DPP10: variants seen among roughly 807,000 people sequenced by gnomAD.
DPP10 encodes the protein inactive dipeptidyl peptidase 10.
Under a neutral mutation model 120.9 loss-of-function variants are expected in DPP10, and 33 were observed. The observed-to-expected ratio is 0.27, with a 90% CI of 0.21 to 0.37. DPP10 has a LOEUF of 0.37. DPP10 is among the 10% of genes least tolerant of loss of function. DPP10 has a pLI of 1.00. For synonymous variants in DPP10, 337 were observed against 326.1 expected (o/e 1.03, Z -0.36); for missense variants, 816 against 942.8 (o/e 0.87, Z 1.76).
chr2:115,789,965 T>A (rs529394764), intron 17 of DPP10, among the ~76,000 whole-genome samples: 1 of 152,254 alleles, frequency 6.6e-6, no homozygotes, highest in East Asian at 1.9e-4. Flanking sequence ...TCTACAGACA[T>A]AGACTTGTAT....
intron 1 of DPP10, among the ~76,000 whole-genome samples, chr2:114,756,664 G>T (rs1048361886): frequency 6.6e-6 from 1 of 152,300 alleles, no homozygotes; most frequent in Non-Finnish European, 1.5e-5. Flanking sequence ...TCCAAGAAGA[G>T]CATGGGACGT....
intron 1 of DPP10, among the ~76,000 whole-genome samples, chr2:114,767,649 C>CT (rs1289986086): frequency 6.6e-6 from 1 of 152,122 alleles, no homozygotes; most frequent in Non-Finnish European, 1.5e-5. Flanking sequence ...CCATGAGGTT[C>CT]TTTTGACTAT....
intron 1 of DPP10, among the ~76,000 whole-genome samples, chr2:115,130,018 A>C (rs1213359359): frequency 1.3e-5 from 2 of 152,112 alleles, no homozygotes; most frequent in Non-Finnish European, 2.9e-5. Context: ...TCCTTTCAGC[A>C]AGTGCACCTG....
intron 1 of DPP10, among the ~76,000 whole-genome samples, chr2:114,728,371 C>CTACTATGCCCTT (rs1166703793): frequency 1.3e-5 from 2 of 152,124 alleles, no homozygotes; most frequent in Non-Finnish European, 2.9e-5. Context: ...AATCTGGGCC[C>CTACTATGCCCTT]TACTATGCCC....
intron 11 of DPP10, among the ~76,000 whole-genome samples, chr2:115,761,493 G>T (rs987819050): frequency 6.6e-6 from 1 of 152,048 alleles, no homozygotes; most frequent in African/African-American, 2.4e-5. Context: ...GAAATAATGA[G>T]ACAAACAATA....
chr2:114,560,411 A>G (rs1688675838), intron 1 of DPP10, among the ~76,000 whole-genome samples: 1 of 152,238 alleles, frequency 6.6e-6, no homozygotes, highest in African/African-American at 2.4e-5. Flanking sequence ...GACATGTTGG[A>G]TGCCCAGGAT....
chr2:115,719,015 T>C (rs927200183), intron 7 of DPP10, among the ~76,000 whole-genome samples: 4 of 152,204 alleles, frequency 2.6e-5, no homozygotes, highest in African/African-American at 9.6e-5. Context: ...TCTCGGGGCC[T>C]GTAAATATTT....
intron 12 of DPP10, among the ~76,000 whole-genome samples, chr2:115,763,852 C>T (rs1016061282): frequency 6.6e-5 from 10 of 152,146 alleles, no homozygotes; most frequent in Non-Finnish European, 1.2e-4. Flanking sequence ...TAATTGAAAG[C>T]TTTTTCAGCT....
chr2:115,290,429 TA>T (rs1274872966), intron 1 of DPP10, among the ~76,000 whole-genome samples: 1 of 152,126 alleles, frequency 6.6e-6, no homozygotes, highest in African/African-American at 2.4e-5. Context: ...GATATGTGAT[TA>T]AGCAAATATA....
At chr2:115,332,247 A>C (rs2062794054) in intron 2 of DPP10, among the ~76,000 whole-genome samples, 1 of 152,006 alleles carries the variant, frequency 6.6e-6, no homozygotes, top group Non-Finnish European at 1.5e-5. Flanking sequence ...GGTAGTTTGT[A>C]TTTCTGTGGG....
At chr2:114,695,869 C>A (rs1054645317) in intron 1 of DPP10, among the ~76,000 whole-genome samples, 4 of 151,946 alleles carry the variant, frequency 2.6e-5, no homozygotes, top group Non-Finnish European at 5.9e-5. Context: ...TTAAAATAAC[C>A]TTTTTAATAT....
chr2:115,465,537 T>C (rs941125658), intron 3 of DPP10, among the ~76,000 whole-genome samples: 5 of 152,198 alleles, frequency 3.3e-5, no homozygotes, highest in Admixed American at 2.0e-4. Flanking sequence ...AAATGGAAAA[T>C]GTAGGCCAGG....
rs568555263 is a variant in DPP10 at position 114,856,865 on chromosome 2, T to G, written c.60+414027T>G. 2.6e-5 allele frequency among the ~76,000 whole-genome samples: 4 copies of G among 152,292 alleles called. No homozygotes were observed. The South Asian group carries it at 8.3e-4, about 32-fold the overall frequency. ...TATTCTATACTTCAAAGTTCAAAACTCAGTGGACAATGACAATGATTACAG... is the reference window on the plus strand; with the variant it reads ...TATTCTATACTTCAAAGTTCAAAACGCAGTGGACAATGACAATGATTACAG... On this transcript the variant is annotated intron_variant, in intron 1 of 25. Transcript: ENST00000410059.
At chr2:115,221,664 A>G (rs1054438844) in intron 1 of DPP10, among the ~76,000 whole-genome samples, 3 of 151,874 alleles carry the variant, frequency 2.0e-5, no homozygotes, top group Admixed American at 6.6e-5. Flanking sequence ...ATTCAATACA[A>G]TCATGGACAC....
intron 3 of DPP10, among the ~76,000 whole-genome samples, chr2:115,471,956 T>C (rs958653069): frequency 1.6e-4 from 25 of 152,148 alleles, no homozygotes; most frequent in Non-Finnish European, 8.8e-5. Context: ...ACATTACTTA[T>C]ATTTTTCCCT....
At chr2:114,772,511 T>C (rs568624432) in intron 1 of DPP10, among the ~76,000 whole-genome samples, 1 of 152,274 alleles carries the variant, frequency 6.6e-6, no homozygotes, top group African/African-American at 2.4e-5. Context: ...ACTTAGGCCT[T>C]TATCAGACAG....
chr2:114,836,146 A>G (rs1188147885), intron 1 of DPP10, among the ~76,000 whole-genome samples: 1 of 152,076 alleles, frequency 6.6e-6, no homozygotes, highest in Non-Finnish European at 1.5e-5. Context: ...CCCTTTCTCA[A>G]TAAAGATTTT....
intron 4 of DPP10, among the ~76,000 whole-genome samples, chr2:115,513,742 A>T (rs936301112): frequency 2.0e-5 from 3 of 152,002 alleles, no homozygotes; most frequent in Non-Finnish European, 4.4e-5. Flanking sequence ...ACGCTTTTAT[A>T]ATAATTGTTT....
chr2:115,593,812 G>C (rs898658863), intron 5 of DPP10, among the ~76,000 whole-genome samples: 3 of 152,080 alleles, frequency 2.0e-5, no homozygotes, highest in Non-Finnish European at 4.4e-5. Context: ...TATTATACTT[G>C]GCTTGATTAA....
Sources: gnomAD v4.1 joint callset for allele counts (sites outside exome capture counted in the v4.1 genomes callset) on GRCh38, gnomAD v4.1.1 for gene constraint, MANE v1.5 for transcripts, NCBI Gene and HGNC (gene_info 2026-07-23, HGNC 2026-07-21) for gene names.